The following DMD variants were observed in gnomAD, a reference collection of about 807,000 sequenced individuals.
DMD encodes the protein mutant dystrophin.
DMD carries 63 observed loss-of-function variants against 330.1 expected under a neutral mutation model. The observed-to-expected ratio is 0.19, with a 90% CI of 0.16 to 0.24. The LOEUF (loss-of-function observed/expected upper bound fraction) is 0.24. DMD is among the 10% of genes least tolerant of loss of function. DMD has a pLI of 1.00. For missense variants in DMD, 3,344 were observed against 2,684.1 expected, an observed-to-expected ratio of 1.25 and a Z score of -5.43; for synonymous variants, 1,223 against 959.8, an observed-to-expected ratio of 1.27 and a Z score of -5.07.
At chrX:31,717,163 A>G (rs886815416) in intron 52 of DMD, among the ~76,000 whole-genome samples, 1 of 111,851 alleles carries the variant, frequency 8.9e-6, no homozygotes, top group African/African-American at 3.2e-5. Flanking sequence ...GCACAAATCT[A>G]AAGTATTACT....
In DMD at chrX:31,528,985, T is replaced by A. The variant is rs745692982; in HGVS notation, c.8218-21532A>T. On this transcript the variant is annotated intron_variant, in intron 55 of 78. Coordinates refer to ENST00000357033, the MANE Select transcript of DMD (RefSeq NM_004006.3). ...TATCTCTACAATATGTTTTAAAAAT[T>A]AAAAATAAAAATAAAAAAACAGTTA... is the stretch of plus-strand genomic sequence containing the variant. 2.7e-5 allele frequency among the ~76,000 whole-genome samples: 3 copies of A among 110,315 alleles called. No homozygotes were observed. In the East Asian group the frequency reaches 8.5e-4, roughly 31 times the overall value.
chrX:31,949,594 C>T (rs185590570), intron 45 of DMD, among the ~76,000 whole-genome samples: 249 of 110,984 alleles, frequency 2.2e-3, no homozygotes, highest in Non-Finnish European at 3.8e-3. Flanking sequence ...AAGAGAGTTT[C>T]ATTTCTTCTT....
chrX:31,244,475 A>G (rs1045270842), intron 63 of DMD, among the ~76,000 whole-genome samples: 2 of 112,100 alleles, frequency 1.8e-5, no homozygotes, highest in Admixed American at 9.5e-5. Flanking sequence ...TCTTCTCAGA[A>G]GCTTGTTAGT....
chrX:32,971,488 T>C (rs1473510185), intron 2 of DMD, among the ~76,000 whole-genome samples: 1 of 111,329 alleles, frequency 9.0e-6, no homozygotes, highest in East Asian at 2.8e-4. Context: ...AATAACTTTA[T>C]AGTTTATTGC....
At chrX:33,270,657 A>G (rs1389342823) in intron 1 of DMD, among the ~76,000 whole-genome samples, 2 of 112,060 alleles carry the variant, frequency 1.8e-5, no homozygotes, top group Non-Finnish European at 3.8e-5. Flanking sequence ...CACGTCCTCA[A>G]CTAGGAAATG....
chrX:32,502,978 A>G (rs1470637285), intron 18 of DMD, among the ~76,000 whole-genome samples: 1 of 110,935 alleles, frequency 9.0e-6, no homozygotes, highest in African/African-American at 3.3e-5. Context: ...GCATGACTTG[A>G]AAATAAAAGA....
intron 55 of DMD, among the ~76,000 whole-genome samples, chrX:31,587,504 G>A (rs769201268): frequency 8.9e-6 from 1 of 112,311 alleles, no homozygotes; most frequent in South Asian, 3.7e-4. Context: ...TAAGTTGCTT[G>A]TTAAAATATG....
intron 60 of DMD, among the ~76,000 whole-genome samples, chrX:31,388,714 C>G (rs141647074): frequency 3.9e-4 from 43 of 111,163 alleles, no homozygotes; most frequent in African/African-American, 1.4e-3. Flanking sequence ...CCAGCCTGAC[C>G]AACATGGCAA....
chrX:31,816,794 T>TCTCACACACACACA (rs1556914952), intron 50 of DMD, among the ~76,000 whole-genome samples: 46 of 85,343 alleles, frequency 5.4e-4, no homozygotes, highest in Admixed American at 6.9e-4. Flanking sequence ...CAAGATTCTG[T>TCTCACACACACACA]CACACACACA....
intron 39 of DMD, among the ~76,000 whole-genome samples, chrX:32,344,737 G>C (rs2097758400): frequency 9.0e-6 from 1 of 111,423 alleles, no homozygotes; most frequent in Non-Finnish European, 1.9e-5. Flanking sequence ...GATTTCTTTA[G>C]AGGAATGCCA....
intron 37 of DMD, among the ~76,000 whole-genome samples, chrX:32,362,286 A>G (rs1267814590): frequency 1.9e-5 from 1 of 52,868 alleles, no homozygotes; most frequent in Non-Finnish European, 3.2e-5. Context: ...ACCAGTAAAG[A>G]GGTAAAAAAA....
At chrX:32,406,856 C>G (rs1336661395) in intron 30 of DMD, among the ~76,000 whole-genome samples, 1 of 111,111 alleles carries the variant, frequency 9.0e-6, no homozygotes, top group Non-Finnish European at 1.9e-5. Context: ...ACAAACCTCA[C>G]AAAAACAAGA....
At chrX:33,206,695 G>T (rs1329634147) in intron 1 of DMD, among the ~76,000 whole-genome samples, 1 of 110,894 alleles carries the variant, frequency 9.0e-6, no homozygotes. Context: ...TATTTTGAAC[G>T]AGTGATATCA....
intron 55 of DMD, among the ~76,000 whole-genome samples, chrX:31,536,904 C>A (rs1349543170): frequency 9.0e-6 from 1 of 111,572 alleles, no homozygotes; most frequent in Non-Finnish European, 1.9e-5. Context: ...TAAGTCACTA[C>A]CCTTTTAAGA....
chrX:31,690,177 C>A (rs1471754922), intron 52 of DMD, among the ~76,000 whole-genome samples: 2 of 111,879 alleles, frequency 1.8e-5, no homozygotes, highest in Non-Finnish European at 3.8e-5. Context: ...TCAGAGTGAA[C>A]AGGCAGCCTA....
chrX:32,883,655 T>G (rs1031076282), intron 2 of DMD, among the ~76,000 whole-genome samples: 2 of 107,309 alleles, frequency 1.9e-5, no homozygotes, highest in African/African-American at 6.8e-5. Context: ...AAACCCCGTC[T>G]CTACTAAAAA....
chrX:32,518,781 A>G (rs1336855383), intron 17 of DMD, among the ~76,000 whole-genome samples: 1 of 110,582 alleles, frequency 9.0e-6, no homozygotes, highest in Non-Finnish European at 1.9e-5. Context: ...CAGGCATGCA[A>G]ATAAAGCCCT....
At chrX:33,251,668 A>C (rs1268950619) in intron 1 of DMD, among the ~76,000 whole-genome samples, 1 of 112,078 alleles carries the variant, frequency 8.9e-6, no homozygotes, top group Non-Finnish European at 1.9e-5. Context: ...TAGATATATG[A>C]CCAATCTAGT....
chrX:31,813,976 G>C (rs1230162099), intron 50 of DMD, among the ~76,000 whole-genome samples: 3 of 111,263 alleles, frequency 2.7e-5, no homozygotes, highest in Non-Finnish European at 5.6e-5. Context: ...TACAATGACA[G>C]AGTTGACCAC....
Sources: gnomAD v4.1 joint callset for allele counts (sites outside exome capture counted in the v4.1 genomes callset) on GRCh38, gnomAD v4.1.1 for gene constraint, MANE v1.5 for transcripts, NCBI Gene and HGNC (gene_info 2026-07-23, HGNC 2026-07-21) for gene names.